Variants in ZNF100 observed in about 807,000 individuals in gnomAD.
The protein encoded by ZNF100 is zinc finger protein 100 (Y1).
ZNF100 carries 12 observed loss-of-function variants against 15.8 expected under a neutral mutation model. That is an observed-to-expected ratio of 0.76 (90% CI 0.49 to 1.23). ZNF100 has a LOEUF of 1.23. Among genes scored for constraint, ZNF100 ranks in the 50% most tolerant of loss-of-function variants. The pLI is 0.00. For synonymous variants in ZNF100, 226 were observed against 214.8 expected, an observed-to-expected ratio of 1.05 and a Z score of -0.45; for missense variants, 670 against 635.6, an observed-to-expected ratio of 1.05 and a Z score of -0.58.
chr19:21,736,300 G>T (rs74167878), intron 4 of ZNF100, among the ~76,000 whole-genome samples: 13,974 of 151,648 alleles, frequency 0.092, 853 homozygotes, highest in South Asian at 0.18. Context: ...GTCTAGGCTG[G>T]TCTCAAACTC....
Position 21,726,678 on chromosome 19 carries a change from A to C in ZNF100, c.*5T>G. 2 of 1,601,996 alleles carry C rather than the reference A, an allele frequency of 1.2e-6. No individual in the cohort carries two copies. Among genetic ancestry groups the C allele is most frequent in the Non-Finnish European group, 1.7e-6 (2 of 1,175,404 alleles). On this transcript the variant is annotated 3_prime_UTR_variant, in exon 5 of 5. Coordinates refer to ENST00000358296, the MANE Select transcript of ZNF100 (RefSeq NM_173531.4). Reference sequence around the variant, plus strand: ...GAGGACTGGTAAAAGGCTTTGCCACATTTTTCACATTTGTAGGGTTTCTCT... The same window carrying C: ...GAGGACTGGTAAAAGGCTTTGCCACCTTTTTCACATTTGTAGGGTTTCTCT...
chr19:21,751,685 T>C, intron 2 of ZNF100: 2 of 1,240,834 alleles, frequency 1.6e-6, no homozygotes, highest in Non-Finnish European at 2.3e-6. Context: ...GCTTCTTCAG[T>C]TTAATATTAA....
intron 2 of ZNF100, among the ~76,000 whole-genome samples, chr19:21,759,625 C>G (rs1206371488): frequency 2.6e-5 from 4 of 152,136 alleles, no homozygotes; most frequent in Non-Finnish European, 5.9e-5. Context: ...GCTGATAAAA[C>G]AGTTTGCAGT....
intron 2 of ZNF100, chr19:21,751,854 TAAG>T (rs1458482523): frequency 1.3e-5 from 10 of 765,856 alleles, no homozygotes; most frequent in Non-Finnish European, 2.2e-5. Flanking sequence ...GGAGCAGCTG[TAAG>T]AAGGTCTTTC....
chr19:21,728,320 A>C (rs2035852527), intron 4 of ZNF100, among the ~76,000 whole-genome samples: 1 of 152,090 alleles, frequency 6.6e-6, no homozygotes, highest in African/African-American at 2.4e-5. Flanking sequence ...ACTTGTTTTT[A>C]ATGACAAGTA....
rs200230432 is a variant in ZNF100 at position 21,744,101 on chromosome 19, T to A, written c.238A>T (p.Thr80Ser). 1.4e-3 allele frequency: 2,280 copies of A among 1,608,888 alleles called. 9 individuals carry two copies. Among genetic ancestry groups the A allele is most frequent in the Middle Eastern group, 0.01 (61 of 6,030 alleles). Residue 80 changes from threonine to serine, a missense_variant, in exon 4 of 5, where the codon ACT becomes TCT. By Grantham distance (58) the Thr-to-Ser change is moderately conservative (BLOSUM62 1). Transcript: ENST00000358296. ...NLVFLAGIAL[T>S]KPDLITCLEQ... is the part of the protein sequence containing the mutation. ...AGACAGGTGATCAGGTCTGGCTTAG[T>A]GAGAGCAATACCTGCTTTATTAGAA...
chr19:21,744,647 G>T (rs1277552411), intron 3 of ZNF100, among the ~76,000 whole-genome samples: 1 of 152,086 alleles, frequency 6.6e-6, no homozygotes, highest in South Asian at 2.1e-4. Context: ...TGGTATTACA[G>T]GAGTGAGCCA....
At chr19:21,750,654 G>C (rs1048731370) in intron 2 of ZNF100, 1 of 212,260 alleles carries the variant, frequency 4.7e-6, no homozygotes, top group South Asian at 1.8e-4. Flanking sequence ...GCAGCGCGGC[G>C]AGCGTGCAGG....
rs2035829320 is a variant in ZNF100, at chr19:21,727,548, T to A, written c.764A>T (p.His255Leu). ...ACATTTGTAGGGTTTCTCTCCAGTA[T>A]GAATTCTCCTGTGTGTAGTAAGGGT... ...FSTLTTHRRI[H>L]TGEKPYKCEE... Residue 255 changes from histidine to leucine, a missense_variant, in exon 5 of 5, where the codon CAT becomes CTT. By Grantham distance (99) the His-to-Leu change is moderately conservative. Coordinates refer to ENST00000358296, the MANE Select transcript of ZNF100 (RefSeq NM_173531.4). 1.2e-6 allele frequency: 2 copies of A among 1,613,842 alleles called. No individual in the cohort carries two copies. The highest frequency in any genetic ancestry group is 1.7e-6 in the Non-Finnish European group (2 of 1,179,904).
rs2035740873 is a variant in ZNF100, at chr19:21,724,579, TAA to T, written c.*2102_*2103del. 6.6e-6 allele frequency: 1 copy of T among 152,104 alleles called. No homozygotes were observed. Among genetic ancestry groups the T allele is most frequent in the Admixed American group, 6.5e-5 (1 of 15,272 alleles). 9.4% of individuals were successfully genotyped at this position (152,104 alleles called of 1,614,324 possible). On this transcript the variant is annotated 3_prime_UTR_variant, in exon 5 of 5. Transcript: ENST00000358296. The stretch of plus-strand genomic sequence containing the variant: ...ATTTAATTTTACATTTTAAAATAAC[TAA>T]AAGTATAAAACTGGGTTGCTTGTAA...
chr19:21,759,930 C>T (rs1036048884), intron 2 of ZNF100, among the ~76,000 whole-genome samples: 1 of 152,190 alleles, frequency 6.6e-6, no homozygotes, highest in African/African-American at 2.4e-5. Context: ...CGCCTGTAAT[C>T]TCAGCACTTT....
chr19:21,754,771 G>A (rs1009912833), intron 2 of ZNF100, among the ~76,000 whole-genome samples: 1 of 152,050 alleles, frequency 6.6e-6, no homozygotes, highest in Non-Finnish European at 1.5e-5. Context: ...AAAAGGAATC[G>A]CAACAAAAGC....
chr19:21,748,441 T>C (rs1374908912), intron 2 of ZNF100, among the ~76,000 whole-genome samples: 1 of 152,212 alleles, frequency 6.6e-6, no homozygotes, highest in Non-Finnish European at 1.5e-5. Context: ...TTCCTAAGCT[T>C]ACCTAAGAAA....
chr19:21,743,351 T>C (rs2036152564), intron 4 of ZNF100: 1 of 152,230 alleles, frequency 6.6e-6, no homozygotes, highest in Non-Finnish European at 1.5e-5. Context: ...TTATCTAAAG[T>C]AATCTATAGC....
At chr19:21,741,682 CTT>C (rs980426388) in intron 4 of ZNF100, among the ~76,000 whole-genome samples, 1 of 146,142 alleles carries the variant, frequency 6.8e-6, no homozygotes, top group Non-Finnish European at 1.5e-5. Flanking sequence ...GCATGTAAAA[CTT>C]TTTTTTTTTT....
rs369371546 is a variant in ZNF100, at chr19:21,744,974, T to C, written c.190A>G (p.Met64Val). The change falls in exon 3 of 5, where the codon ATG (methionine) becomes GTG (valine). Residue 64 changes from methionine (M) to valine (V), a missense_variant. Physicochemically the swap from Met to Val is conservative, Grantham distance 21 (BLOSUM62 1). Transcript: ENST00000358296. ...ACCAGGTTTCTGTAGTTCTCTAACA[T>C]CACTTTCCTATACAAACCCTGCTGA... ...SAQQGLYRKV[M>V]LENYRNLVFL... is the part of the protein sequence containing the mutation. The C allele has an allele frequency of 6.2e-7, 1 of 1,610,808 alleles. No homozygotes were observed. The highest frequency in any genetic ancestry group is 1.7e-5 in the Admixed American group (1 of 58,754).
chr19:21,741,014 G>A (rs1355544503), intron 4 of ZNF100, among the ~76,000 whole-genome samples: 1 of 152,066 alleles, frequency 6.6e-6, no homozygotes, highest in Non-Finnish European at 1.5e-5. Context: ...GAGGCAACCC[G>A]GGTGTCTCTT....
chr19:21,747,664 AAC>A (rs1470865178), intron 2 of ZNF100, among the ~76,000 whole-genome samples: 1 of 152,236 alleles, frequency 6.6e-6, no homozygotes, highest in Non-Finnish European at 1.5e-5. Flanking sequence ...AAATGAAGAC[AAC>A]CACACTCCAT....
Position 21,726,953 on chromosome 19 carries a change from TC to T in ZNF100, c.1358del (p.Gly453GlufsTer20), listed in dbSNP as rs1218155184. 6.2e-7 allele frequency: 1 copy of T among 1,611,460 alleles called. No homozygotes were observed. Among genetic ancestry groups the T allele is most frequent in the African/African-American group, 1.3e-5 (1 of 74,870 alleles). On this transcript the variant is annotated frameshift_variant, in exon 5 of 5. Coordinates refer to ENST00000358296, the MANE Select transcript of ZNF100 (RefSeq NM_173531.4). LOFTEE classifies it low-confidence loss of function (END_TRUNC). ...NLTTHKMIHT[G>X]EKPYKCDECG... is the part of the protein sequence containing the mutation. ...ATTCGTCACATTTGTAGGGTTTCTCTCCAGTATGAATCATCTTATGGGTAGT... is the reference window on the plus strand; with the variant it reads ...ATTCGTCACATTTGTAGGGTTTCTCTCAGTATGAATCATCTTATGGGTAGT...
Sources: gnomAD v4.1 joint callset for allele counts (sites outside exome capture counted in the v4.1 genomes callset) on GRCh38, gnomAD v4.1.1 for gene constraint, MANE v1.5 for transcripts, NCBI Gene and HGNC (gene_info 2026-07-23, HGNC 2026-07-21) for gene names.